PDE11A: variants seen among roughly 807,000 people sequenced by gnomAD.
PDE11A encodes dual 3',5'-cyclic-AMP and -GMP phosphodiesterase 11A.
A neutral mutation model predicts 100.5 loss-of-function variants in PDE11A; 100 were observed. The observed-to-expected ratio is 1.00, with a 90% confidence interval of 0.85 to 1.18. The LOEUF (loss-of-function observed/expected upper bound fraction) is 1.18. Among genes scored for constraint, PDE11A ranks in the 50% most tolerant of loss-of-function variants. The probability of loss-of-function intolerance (pLI) is 0.00; values close to 1 mark genes in which losing one functional copy is unlikely to be tolerated. For synonymous variants in PDE11A, 381 were observed against 420.8 expected (o/e 0.91, Z 1.16); for missense variants, 1,141 against 1,152.6 (o/e 0.99, Z 0.15).
chr2:177,815,687 T>G (rs574053254), intron 9 of PDE11A, among the ~76,000 whole-genome samples: 1 of 152,176 alleles, frequency 6.6e-6, no homozygotes, highest in Non-Finnish European at 1.5e-5. Context: ...GCCAGAAAAT[T>G]AAAAGCACAT....
Position 178,102,456 on chromosome 2 carries a change from T to TTTA in PDE11A, c.162+1845_162+1846insTAA, listed in dbSNP as rs1491163774. 1.7e-3 allele frequency among the ~76,000 whole-genome samples: 169 copies of TTTA among 99,964 alleles called. 2 individuals carry two copies. Among genetic ancestry groups the TTTA allele is most frequent in the African/African-American group, 6.4e-3 (163 of 25,654 alleles). The allele number at this position is 99,964 out of a possible 152,430, so 65.6% of individuals were successfully genotyped here. On this transcript the variant is annotated intron_variant, in intron 2 of 20. Transcript: ENST00000358450. ...TTTTTTTTTTTTTTTTTTTTTTTTT[T>TTTA]AGAGATGGGGTTTCACCATATTGGC...
chr2:177,909,827 A>G (rs2084850982), intron 2 of PDE11A, among the ~76,000 whole-genome samples: 1 of 152,098 alleles, frequency 6.6e-6, no homozygotes, highest in African/African-American at 2.4e-5. Flanking sequence ...AATCAATCTT[A>G]AAAGGTAAGG....
At chr2:178,082,611 A>C (rs1194349474) in intron 2 of PDE11A, among the ~76,000 whole-genome samples, 2 of 152,194 alleles carry the variant, frequency 1.3e-5, no homozygotes, top group Non-Finnish European at 2.9e-5. Context: ...CTATAGGAGG[A>C]GTCATGAATA....
In PDE11A at chr2:178,012,591, A is replaced by G. The variant is rs113829931; in HGVS notation, c.1071+1711T>C. On this transcript the variant is annotated intron_variant, in intron 2 of 19. Transcript: ENST00000286063. ...CCAGGCTCTCATTCTTAATAGAACT[A>G]AACATTGATGCTATTCAAGAAAGGT... is the stretch of plus-strand genomic sequence containing the variant. Among the ~76,000 whole-genome samples, 553 of 152,262 alleles carry G rather than the reference A, an allele frequency of 3.6e-3. 2 individuals carry two copies. Among genetic ancestry groups the G allele is most frequent in the Non-Finnish European group, 6.1e-3 (415 of 68,014 alleles).
intron 5 of PDE11A, among the ~76,000 whole-genome samples, chr2:177,873,313 T>G (rs1574239046): frequency 6.6e-6 from 1 of 152,320 alleles, no homozygotes; most frequent in East Asian, 1.9e-4. Flanking sequence ...TAGCTAAAGA[T>G]ATCAGCATGA....
chr2:177,986,511 T>G (rs2085941392), intron 2 of PDE11A, among the ~76,000 whole-genome samples: 1 of 152,176 alleles, frequency 6.6e-6, no homozygotes, highest in South Asian at 2.1e-4. Context: ...TTTTACCCTC[T>G]GGTCCTTGAT....
chr2:177,947,365 GC>G (rs2085456216), intron 2 of PDE11A, among the ~76,000 whole-genome samples: 1 of 151,606 alleles, frequency 6.6e-6, no homozygotes, highest in African/African-American at 2.4e-5. Context: ...TCGGATGGTT[GC>G]CGTGTCTGTG....
At chr2:177,757,915 C>G (rs1430284049) in intron 10 of PDE11A, among the ~76,000 whole-genome samples, 1 of 152,040 alleles carries the variant, frequency 6.6e-6, no homozygotes, top group Non-Finnish European at 1.5e-5. Context: ...TTGTTCACAG[C>G]CTAATTCCTT....
At chr2:178,023,549 G>C (rs2086440204) in intron 1 of PDE11A, among the ~76,000 whole-genome samples, 1 of 152,268 alleles carries the variant, frequency 6.6e-6, no homozygotes. Flanking sequence ...CAGTACTCAT[G>C]ATTAAGCCAA....
chr2:177,962,341 T>G (rs1466224016), intron 2 of PDE11A, among the ~76,000 whole-genome samples: 2 of 152,100 alleles, frequency 1.3e-5, no homozygotes, highest in African/African-American at 2.4e-5. Context: ...TGTCCACAAA[T>G]GTATCAATAT....
intron 5 of PDE11A, among the ~76,000 whole-genome samples, chr2:177,868,929 T>TAAAAATGCACCAACAGCTAACATC (rs2084076521): frequency 2.6e-5 from 4 of 152,256 alleles, no homozygotes; most frequent in Non-Finnish European, 5.9e-5. Context: ...GATACATGTC[T>TAAAAATGCACCAACAGCTAACATC]AAAAATGCAC....
At chr2:177,914,690 T>C (rs1046710839) in intron 2 of PDE11A, among the ~76,000 whole-genome samples, 2 of 152,174 alleles carry the variant, frequency 1.3e-5, no homozygotes, top group East Asian at 3.8e-4. Flanking sequence ...ATCAACACCC[T>C]GAAATGCTAG....
intron 6 of PDE11A, among the ~76,000 whole-genome samples, chr2:177,828,276 T>C (rs1250966390): frequency 2.6e-5 from 4 of 152,152 alleles, no homozygotes; most frequent in Non-Finnish European, 4.4e-5. Context: ...TTCATGTCAA[T>C]ATATAATATA....
At chr2:177,734,799 C>T (rs191950099) in intron 10 of PDE11A, among the ~76,000 whole-genome samples, 26 of 152,270 alleles carry the variant, frequency 1.7e-4, no homozygotes, top group Admixed American at 4.6e-4. Context: ...TAGTAAGTAA[C>T]GGTGCCTGGC....
intron 5 of PDE11A, among the ~76,000 whole-genome samples, chr2:177,854,237 GTTTTAC>G (rs2105656061): frequency 6.6e-6 from 1 of 152,110 alleles, no homozygotes; most frequent in South Asian, 2.1e-4. Context: ...GTCTGTGACA[GTTTTAC>G]TAGAGTGACA....
intron 3 of PDE11A, chr2:177,899,637 AATAT>A (rs3037901): frequency 7.2e-5 from 15 of 209,284 alleles, no homozygotes; most frequent in Non-Finnish European, 9.9e-5. Flanking sequence ...CAGATTCTTA[AATAT>A]ATATATATAT....
In PDE11A at chr2:178,102,010, C is replaced by T. The variant is rs556193678; in HGVS notation, c.162+2292G>A. 1.2e-3 allele frequency among the ~76,000 whole-genome samples: 179 copies of T among 152,090 alleles called. 2 individuals are homozygous for T. Among genetic ancestry groups the T allele is most frequent in the Admixed American group, 2.5e-3 (38 of 15,270 alleles). Reference sequence around the variant, plus strand: ...ACAGGGTCTCACTCTGTCACCCAGGCGGGAGTGCAGCTGTGAGATTATGGG... The same window carrying T: ...ACAGGGTCTCACTCTGTCACCCAGGTGGGAGTGCAGCTGTGAGATTATGGG... On this transcript the variant is annotated intron_variant, in intron 2 of 20. Coordinates refer to the PDE11A transcript ENST00000358450.
chr2:177,862,293 C>G (rs1038084055), intron 5 of PDE11A, among the ~76,000 whole-genome samples: 1 of 151,716 alleles, frequency 6.6e-6, no homozygotes, highest in Non-Finnish European at 1.5e-5. Context: ...GGCCAATAAT[C>G]ACATGAAAAG....
At chr2:177,946,062 G>T (rs1574298934) in intron 2 of PDE11A, among the ~76,000 whole-genome samples, 1 of 126,728 alleles carries the variant, frequency 7.9e-6, no homozygotes, top group Non-Finnish European at 1.7e-5. Context: ...GGGGGGGTCA[G>T]CCCCCCGCCT....
Sources: allele counts gnomAD v4.1 joint callset (sites outside exome capture counted in the v4.1 genomes callset), GRCh38; gene constraint gnomAD v4.1.1; transcripts MANE v1.5; gene names NCBI Gene and HGNC (gene_info 2026-07-23, HGNC 2026-07-21).